IPO5: variants seen among roughly 807,000 people sequenced by gnomAD.
IPO5 encodes the protein importin 5.
In IPO5, 18 loss-of-function variants were observed where a neutral mutation model predicts 143.3. That is an observed-to-expected ratio of 0.13 (90% CI 0.09 to 0.19). The LOEUF (loss-of-function observed/expected upper bound fraction) is 0.19. Ranked by LOEUF, IPO5 falls within the 10% of genes least tolerant of loss-of-function variation. The pLI is 1.00. For synonymous variants in IPO5, 477 were observed against 465.7 expected (o/e 1.02, Z -0.31); for missense variants, 1,013 against 1,336.9 (o/e 0.76, Z 3.78).
intron 3 of IPO5, among the ~76,000 whole-genome samples, chr13:97,972,316 A>G (rs1186600117): frequency 6.6e-6 from 1 of 152,154 alleles, no homozygotes; most frequent in Non-Finnish European, 1.5e-5. Flanking sequence ...AACTTCTCCA[A>G]CCTTCTCCCA....
At position 98,002,501 on chromosome 13, in the gene IPO5, C is replaced by T. The variant is rs566171931; in HGVS notation, c.1143C>T (p.Ala381=). 16 of 1,613,806 alleles carry T rather than the reference C, an allele frequency of 9.9e-6. No homozygotes were observed. Among genetic ancestry groups the T allele is most frequent in the Non-Finnish European group, 1.4e-5 (16 of 1,179,920 alleles). ...DWKYRHAGLM[A]LSAIGEGCHQ... ...AATACCGGCATGCAGGATTGATGGC[C>T]TTATCTGCCATTGGTGAAGGGTGCC... Residue 381 remains alanine (A), a synonymous_variant, in exon 14 of 29, where the codon GCC becomes GCT. Coordinates refer to ENST00000651721, the MANE Select transcript of IPO5 (RefSeq NM_002271.6).
chr13:97,961,315 T>G (rs1188810837), intron 2 of IPO5, among the ~76,000 whole-genome samples: 1 of 152,194 alleles, frequency 6.6e-6, no homozygotes, highest in Admixed American at 6.5e-5. Flanking sequence ...TGTCAACATA[T>G]GTTGTCTTTT....
Position 98,002,557 on chromosome 13 carries a change from T to C in IPO5, c.1199T>C (p.Ile400Thr). ...HQQMEGILNE[I>T]VNFVLLFLQD... ...CAAATGGAAGGAATTCTAAATGAGA[T>C]CGTAAATTTTGTTTTACTTTTTCTC... is the stretch of plus-strand genomic sequence containing the variant. Residue 400 changes from isoleucine to threonine, a missense_variant, in exon 14 of 29, where the codon ATC becomes ACC. Physicochemically the swap from Ile to Thr is moderately conservative, Grantham distance 89. Around this residue, in one of 2 missense-constraint regions of IPO5, gnomAD observed 685 missense variants for 994.9 expected, o/e 0.69. Coordinates refer to ENST00000651721, the MANE Select transcript of IPO5 (RefSeq NM_002271.6). 1 of 1,613,974 alleles carries C rather than the reference T, an allele frequency of 6.2e-7. No homozygotes were observed. The highest frequency in any genetic ancestry group is 8.5e-7 in the Non-Finnish European group (1 of 1,179,870).
At chr13:97,960,891 T>A (rs1458648837) in intron 2 of IPO5, among the ~76,000 whole-genome samples, 1 of 151,956 alleles carries the variant, frequency 6.6e-6, no homozygotes, top group Non-Finnish European at 1.5e-5. Flanking sequence ...TACAATGGAG[T>A]GTTTAGTATA....
At chr13:97,968,525 T>C (rs1246457427) in intron 2 of IPO5, among the ~76,000 whole-genome samples, 1 of 152,138 alleles carries the variant, frequency 6.6e-6, no homozygotes, top group African/African-American at 2.4e-5. Context: ...CTTAATTCTG[T>C]CAGGTTTTGC....
At position 98,023,709 on chromosome 13, in the gene IPO5, A is replaced by G. The variant is rs1483414111; in HGVS notation, c.*1887A>G. 1.3e-5 allele frequency: 2 copies of G among 152,172 alleles called. No homozygotes were observed. The highest frequency in any genetic ancestry group is 2.9e-5 in the Non-Finnish European group (2 of 68,034). The allele number at this position is 152,172 out of a possible 1,614,324, so 9.4% of individuals were successfully genotyped here. The stretch of plus-strand genomic sequence containing the variant: ...GAGATGTACTTACAGCAGGGTTCTA[A>G]GAGCTCTGAAAGAAGCGCTCTGTTA... On this transcript the variant is annotated 3_prime_UTR_variant, in exon 29 of 29. Coordinates refer to ENST00000651721, the MANE Select transcript of IPO5 (RefSeq NM_002271.6).
chr13:98,001,229 A>G lies in IPO5; in HGVS notation c.1108+584A>G, dbSNP rs1289611268. Among the ~76,000 whole-genome samples, 11 of 152,348 alleles carry G rather than the reference A, an allele frequency of 7.2e-5. No homozygotes were observed. In the South Asian group the frequency reaches 2.1e-3, roughly 29 times the overall value. ...AGTTACCTTTGTACCTGTAATATAT[A>G]TATCAATCCCAAAGTTTATTGTTGT... On this transcript the variant is annotated intron_variant, in intron 13 of 28. Transcript: ENST00000651721.
At position 97,990,509 on chromosome 13, in the gene IPO5, T is replaced by G. The variant is rs1033542999; in HGVS notation, c.641T>G (p.Phe214Cys). Residue 214 changes from phenylalanine to cysteine, a missense_variant, in exon 9 of 29, where the codon TTT becomes TGT. By Grantham distance (205) the Phe-to-Cys change is radical. Coordinates refer to ENST00000651721, the MANE Select transcript of IPO5 (RefSeq NM_002271.6). ...CATAATGTTGCTCTGTTCAAACATTTTGCAGACTTGCTACCGGGATTCCTA... is the reference window on the plus strand; with the variant it reads ...CATAATGTTGCTCTGTTCAAACATTGTGCAGACTTGCTACCGGGATTCCTA... ...NEHNVALFKHFADLLPGFLQA... is the reference protein window; with the variant it reads ...NEHNVALFKHCADLLPGFLQA... The G allele has an allele frequency of 2.5e-6, 4 of 1,597,592 alleles. No individual in the cohort carries two copies. The highest frequency in any genetic ancestry group is 2.6e-6 in the Non-Finnish European group (3 of 1,173,958).
chr13:97,990,104 G>T (rs1351165823), intron 7 of IPO5, 22 bp from the exon 8 acceptor site: 1 of 1,391,310 alleles, frequency 7.2e-7, no homozygotes, highest in Non-Finnish European at 1.0e-6. Context: ...AGTTTTTAAA[G>T]AATGTTTGGA....
intron 11 of IPO5, among the ~76,000 whole-genome samples, chr13:97,996,071 C>T (rs1208209545): frequency 1.3e-5 from 2 of 152,116 alleles, no homozygotes; most frequent in Non-Finnish European, 2.9e-5. Context: ...TACACAAAGG[C>T]TGAGAAGAGG....
At position 98,003,576 on chromosome 13, in the gene IPO5, A is replaced by T. The variant is rs896485651; in HGVS notation, c.1497+539A>T. Among the ~76,000 whole-genome samples the T allele has an allele frequency of 4.6e-5, 7 of 152,274 alleles. 1 individual carries two copies. Among genetic ancestry groups the T allele is most frequent in the Admixed American group, 6.5e-5 (1 of 15,290 alleles). On this transcript the variant is annotated intron_variant, in intron 16 of 28. Transcript: ENST00000651721. ...ATTTTAAAAGATGAAAGGGCCCGGC[A>T]CGGTGGCTCATCCCCGTAATCCCAG...
At chr13:98,012,779 A>C (rs1889809546) in intron 21 of IPO5, among the ~76,000 whole-genome samples, 1 of 150,542 alleles carries the variant, frequency 6.6e-6, no homozygotes, top group Non-Finnish European at 1.5e-5. Flanking sequence ...CAGGTGCACA[A>C]CACCAAGCCC....
chr13:98,007,961 A>T (rs773791732), intron 17 of IPO5, 98 bp from the exon 18 acceptor site: 6 of 670,476 alleles, frequency 8.9e-6, no homozygotes, highest in Non-Finnish European at 1.6e-5. Context: ...GTTATGACCT[A>T]TGTGGGCAAT....
rs544542473 is a variant in IPO5 at position 97,973,770 on chromosome 13, G to A, written c.-4-2923G>A. On this transcript the variant is annotated intron_variant, in intron 3 of 28. Coordinates refer to ENST00000651721, the MANE Select transcript of IPO5 (RefSeq NM_002271.6). ...TAATCTTAGGTTTACGCTTTGCCTC[G>A]TTAAAAAACAAGCTCCTAGCCGGGT... Among the ~76,000 whole-genome samples the A allele has an allele frequency of 1.2e-4, 19 of 152,230 alleles. No homozygotes were observed. In the South Asian group the frequency reaches 1.7e-3, roughly 13 times the overall value.
intron 2 of IPO5, among the ~76,000 whole-genome samples, chr13:97,967,560 A>T (rs770630665): frequency 2.6e-5 from 4 of 152,128 alleles, no homozygotes; most frequent in Non-Finnish European, 4.4e-5. Context: ...CCCTATGAGC[A>T]TTGCTATCAC....
At chr13:98,012,217 T>C in intron 20 of IPO5, 29 bp from the exon 21 acceptor site, 1 of 1,314,706 alleles carries the variant, frequency 7.6e-7, no homozygotes. Context: ...AACATGAATC[T>C]TTATTTCCTC....
In IPO5 at chr13:98,017,891, C is replaced by T. The variant is rs541974931; in HGVS notation, c.2617-594C>T. On this transcript the variant is annotated intron_variant, in intron 25 of 28. Transcript: ENST00000651721. The stretch of plus-strand genomic sequence containing the variant: ...ACCATATCGGCCAGACTGGTCTCAA[C>T]CTCCTGACCTTGTGATCCGCCCACT... Among the ~76,000 whole-genome samples the T allele has an allele frequency of 5.3e-5, 8 of 151,778 alleles. No individual in the cohort carries two copies. The East Asian group carries it at 1.6e-3, about 30-fold the overall frequency.
At chr13:97,958,680 A>G (rs1461936548) in intron 2 of IPO5, among the ~76,000 whole-genome samples, 3 of 151,904 alleles carry the variant, frequency 2.0e-5, no homozygotes, top group African/African-American at 4.8e-5. Context: ...TCAAAAAAAA[A>G]AAAGAAAGAA....
At chr13:97,976,214 G>T (rs889231844) in intron 3 of IPO5, among the ~76,000 whole-genome samples, 5 of 151,344 alleles carry the variant, frequency 3.3e-5, no homozygotes, top group Non-Finnish European at 5.9e-5. Context: ...CCCTTGCCGC[G>T]GCCGGGCCCG....
Sources: allele counts gnomAD v4.1 joint callset (sites outside exome capture counted in the v4.1 genomes callset), GRCh38; gene constraint gnomAD v4.1.1; regional missense constraint gnomAD v4.1.1; transcripts MANE v1.5; gene names NCBI Gene and HGNC (gene_info 2026-07-23, HGNC 2026-07-21).